The following ARHGAP25 variants were observed in gnomAD, a reference collection of about 807,000 sequenced individuals.
ARHGAP25 encodes Rho GTPase activating protein 25, also known as rho GTPase-activating protein 25.
In ARHGAP25, 34 loss-of-function variants were observed where a neutral mutation model predicts 71.0. The ratio of observed to expected loss-of-function variants is 0.48; its 90% CI spans 0.36 to 0.64. ARHGAP25 has a LOEUF of 0.64. ARHGAP25 is among the 30% of genes least tolerant of loss of function. ARHGAP25 has a pLI of 0.00. For missense variants in ARHGAP25, 706 were observed against 805.1 expected (o/e 0.88, Z 1.49); for synonymous variants, 282 against 296.5 (o/e 0.95, Z 0.50).
chr2:68,796,963 G>C (rs1023941137), intron 4 of ARHGAP25, among the ~76,000 whole-genome samples: 1 of 152,218 alleles, frequency 6.6e-6, no homozygotes, highest in Non-Finnish European at 1.5e-5. Context: ...AATGGGCTGT[G>C]TGGGCCAGCC....
intron 8 of ARHGAP25, among the ~76,000 whole-genome samples, chr2:68,818,921 TC>T (rs1174369176): frequency 6.6e-6 from 1 of 152,230 alleles, no homozygotes. Flanking sequence ...TTTATTCTAC[TC>T]CCGTGTCCTT....
intron 5 of ARHGAP25, among the ~76,000 whole-genome samples, chr2:68,812,375 GC>G (rs1159546770): frequency 6.6e-6 from 1 of 152,194 alleles, no homozygotes; most frequent in African/African-American, 2.4e-5. Flanking sequence ...GGCTTGCCAA[GC>G]CCTCCTGTAA....
intron 2 of ARHGAP25, among the ~76,000 whole-genome samples, chr2:68,721,219 A>T (rs1416217701): frequency 1.3e-5 from 2 of 152,220 alleles, no homozygotes; most frequent in African/African-American, 4.8e-5. Flanking sequence ...GCCTTTTATG[A>T]AATTGGTCCA....
At chr2:68,754,997 T>G (rs1280792824) in intron 1 of ARHGAP25, among the ~76,000 whole-genome samples, 1 of 152,232 alleles carries the variant, frequency 6.6e-6, no homozygotes, top group Non-Finnish European at 1.5e-5. Context: ...ACTCTCTTAG[T>G]GTTTGCTTTT....
At chr2:68,768,856 T>C (rs986331941) in intron 1 of ARHGAP25, among the ~76,000 whole-genome samples, 1 of 152,232 alleles carries the variant, frequency 6.6e-6, no homozygotes, top group Non-Finnish European at 1.5e-5. Context: ...GGCCTTGTTC[T>C]CTGATTTCCT....
chr2:68,756,024 C>T lies in ARHGAP25; in HGVS notation c.62-19197C>T, dbSNP rs116796593. ...TATGTGTACATGGCAGAATCTATCC[C>T]GCCACCTAGACAACAATTACTCTTT... On this transcript the variant is annotated intron_variant, in intron 1 of 10. Transcript: ENST00000409202. Among the ~76,000 whole-genome samples, 1,305 of 152,196 alleles carry T rather than the reference C, an allele frequency of 8.6e-3. 19 individuals carry two copies. Among genetic ancestry groups the T allele is most frequent in the African/African-American group, 0.03 (1,240 of 41,514 alleles).
chr2:68,711,413 C>A (rs1238281350), intron 2 of ARHGAP25, among the ~76,000 whole-genome samples: 1 of 152,138 alleles, frequency 6.6e-6, no homozygotes, highest in African/African-American at 2.4e-5. Flanking sequence ...GAGATGGAGT[C>A]TTGCTCTGTC....
chr2:68,713,988 T>C (rs533058561), intron 2 of ARHGAP25, among the ~76,000 whole-genome samples: 1 of 152,360 alleles, frequency 6.6e-6, no homozygotes, highest in African/African-American at 2.4e-5. Flanking sequence ...ATCAGGATGA[T>C]GCTAGCCTCA....
At chr2:68,809,506 A>C (rs1680621465) in intron 5 of ARHGAP25, among the ~76,000 whole-genome samples, 1 of 152,068 alleles carries the variant, frequency 6.6e-6, no homozygotes, top group South Asian at 2.1e-4. Flanking sequence ...GCCTTGAGAC[A>C]GTGTTAACCT....
At chr2:68,750,167 C>T (rs1285259721) in intron 1 of ARHGAP25, among the ~76,000 whole-genome samples, 1 of 104,470 alleles carries the variant, frequency 9.6e-6, no homozygotes, top group African/African-American at 3.8e-5. Context: ...CCGCCATGCC[C>T]GGCTGATTTT....
Position 68,727,894 on chromosome 2 carries a change from C to T in ARHGAP25, c.-18+17196C>T, listed in dbSNP as rs558825849. On this transcript the variant is annotated intron_variant and NMD_transcript_variant, in intron 2 of 7. Coordinates refer to the ARHGAP25 transcript ENST00000463483. ...AGTGACTCTCTTCAGCAGATCTAAT[C>T]ACTCCTAGAAAGATGTGACTGCCTT... 1.1e-3 allele frequency among the ~76,000 whole-genome samples: 173 copies of T among 152,336 alleles called. 1 individual carries two copies. Among genetic ancestry groups the T allele is most frequent in the Middle Eastern group, 3.4e-3 (1 of 294 alleles).
At chr2:68,761,571 C>T (rs1388114813) in intron 1 of ARHGAP25, among the ~76,000 whole-genome samples, 1 of 151,892 alleles carries the variant, frequency 6.6e-6, no homozygotes, top group Admixed American at 6.6e-5. Flanking sequence ...CAAAAATGGG[C>T]AAAGGACTCA....
intron 1 of ARHGAP25, among the ~76,000 whole-genome samples, chr2:68,761,415 G>GT (rs1040978832): frequency 2.6e-5 from 4 of 151,756 alleles, no homozygotes; most frequent in African/African-American, 9.7e-5. Context: ...AAAAAATTAC[G>GT]TATCAAAAGA....
chr2:68,824,742 A>G (rs1477094014), intron 10 of ARHGAP25, among the ~76,000 whole-genome samples: 1 of 126,178 alleles, frequency 7.9e-6, no homozygotes, highest in East Asian at 1.9e-4. Context: ...ACTCCGTCTC[A>G]AAAAAAACAA....
chr2:68,818,410 CT>C (rs1681386816), intron 8 of ARHGAP25, among the ~76,000 whole-genome samples: 1 of 152,226 alleles, frequency 6.6e-6, no homozygotes, highest in African/African-American at 2.4e-5. Context: ...TCACTGTAAT[CT>C]CTGCCTCCAG....
intron 2 of ARHGAP25, among the ~76,000 whole-genome samples, chr2:68,720,329 A>AAAAAGAAAAG (rs1553391459): frequency 1.3e-5 from 2 of 149,492 alleles, no homozygotes; most frequent in African/African-American, 4.9e-5. Flanking sequence ...AAAAAAAAAA[A>AAAAAGAAAAG]AAAAGAAAAG....
chr2:68,779,030 C>T (rs1001952962), intron 2 of ARHGAP25, among the ~76,000 whole-genome samples: 3 of 152,210 alleles, frequency 2.0e-5, no homozygotes, highest in Admixed American at 6.5e-5. Flanking sequence ...CTCAGCTTAT[C>T]GCCCTCAAGT....
chr2:68,725,113 C>T (rs1674852829), intron 2 of ARHGAP25, among the ~76,000 whole-genome samples: 1 of 152,166 alleles, frequency 6.6e-6, no homozygotes, highest in Non-Finnish European at 1.5e-5. Flanking sequence ...TAGACTCCAG[C>T]CCCACCTATC....
At chr2:68,717,688 T>A (rs530325411) in intron 2 of ARHGAP25, among the ~76,000 whole-genome samples, 1 of 152,326 alleles carries the variant, frequency 6.6e-6, no homozygotes, top group East Asian at 1.9e-4. Flanking sequence ...CTATGGCTTT[T>A]CTTTGTATAA....
Sources: gnomAD v4.1 joint callset for allele counts (sites outside exome capture counted in the v4.1 genomes callset) on GRCh38, gnomAD v4.1.1 for gene constraint, MANE v1.5 for transcripts, NCBI Gene and HGNC (gene_info 2026-07-23, HGNC 2026-07-21) for gene names.